The following REDIC1 variants were observed in gnomAD, a reference collection of about 807,000 sequenced individuals.
REDIC1 encodes HEI10 Interacting Protein 1.
At chr12:39,712,463 C>CCT in the REDIC1 span, among the ~76,000 whole-genome samples, 2 of 105,326 alleles carry the variant, frequency 1.9e-5, no homozygotes, top group African/African-American at 6.5e-5. Context: ...CGTATATATA[C>CCT]GTATGTATAT....
chr12:39,812,434 C>A, the REDIC1 span, among the ~76,000 whole-genome samples: 1 of 144,352 alleles, frequency 6.9e-6, no homozygotes. Context: ...GCCTTCCTTC[C>A]TTTTCTTTCT....
At chr12:39,694,553 A>G in the REDIC1 span, among the ~76,000 whole-genome samples, 1 of 152,200 alleles carries the variant, frequency 6.6e-6, no homozygotes, top group Non-Finnish European at 1.5e-5. Flanking sequence ...TATTTAAACC[A>G]GCCCTAACCA....
the REDIC1 span, among the ~76,000 whole-genome samples, chr12:39,774,847 C>G: frequency 6.6e-6 from 1 of 151,848 alleles, no homozygotes; most frequent in Non-Finnish European, 1.5e-5. Flanking sequence ...CTTATATACC[C>G]CAAGTATGCA....
the REDIC1 span, among the ~76,000 whole-genome samples, chr12:39,702,382 A>G: frequency 1.3e-5 from 2 of 152,258 alleles, no homozygotes; most frequent in Non-Finnish European, 2.9e-5. Context: ...AGACTAAACC[A>G]GGAAGAAGTT....
chr12:39,771,147 T>C, the REDIC1 span, among the ~76,000 whole-genome samples: 1 of 152,200 alleles, frequency 6.6e-6, no homozygotes, highest in African/African-American at 2.4e-5. Context: ...TCCGAGTGTG[T>C]GTCCCATCAC....
At chr12:39,668,933 G>A in the REDIC1 span, among the ~76,000 whole-genome samples, 2 of 147,196 alleles carry the variant, frequency 1.4e-5, no homozygotes, top group Admixed American at 7.0e-5. Context: ...CTCTGCATTG[G>A]TTATTCTAGT....
the REDIC1 span, among the ~76,000 whole-genome samples, chr12:39,712,967 G>T: frequency 3.5e-4 from 6 of 17,306 alleles, no homozygotes; most frequent in African/African-American, 1.3e-3. Context: ...GCATATACGT[G>T]TATATGTATA....
At chr12:39,797,416 T>C in the REDIC1 span, among the ~76,000 whole-genome samples, 1 of 152,212 alleles carries the variant, frequency 6.6e-6, no homozygotes, top group Non-Finnish European at 1.5e-5. Flanking sequence ...ATTTATATGT[T>C]GGTTCTCTAG....
chr12:39,652,719 A>G, the REDIC1 span, among the ~76,000 whole-genome samples: 92,170 of 151,980 alleles, frequency 0.61, 29,555 homozygotes, highest in Non-Finnish European at 0.71. Context: ...ATGTAGGTCT[A>G]TGATTCATTT....
chr12:39,666,731 C>G, the REDIC1 span, among the ~76,000 whole-genome samples: 1 of 152,086 alleles, frequency 6.6e-6, no homozygotes, highest in Non-Finnish European at 1.5e-5. Flanking sequence ...TTAATTATTG[C>G]CTCAATTTCA....
the REDIC1 span, among the ~76,000 whole-genome samples, chr12:39,899,183 T>G: frequency 1.3e-5 from 2 of 152,308 alleles, no homozygotes; most frequent in East Asian, 1.9e-4. Context: ...TATTCAGAGA[T>G]TGAACTTCTT....
chr12:39,822,715 C>G, the REDIC1 span, among the ~76,000 whole-genome samples: 1 of 152,144 alleles, frequency 6.6e-6, no homozygotes, highest in Non-Finnish European at 1.5e-5. Context: ...AAATAACTCA[C>G]AGTCTACTTT....
At chr12:39,749,419 C>T in the REDIC1 span, among the ~76,000 whole-genome samples, 275 of 152,244 alleles carry the variant, frequency 1.8e-3, no homozygotes, top group African/African-American at 6.1e-3. Flanking sequence ...GAAATTGAGG[C>T]AATAATTAAT....
chr12:39,905,983 A>G, the REDIC1 span, among the ~76,000 whole-genome samples: 56 of 151,986 alleles, frequency 3.7e-4, no homozygotes, highest in Admixed American at 3.3e-3. Context: ...TTGTTTCCCT[A>G]TTGAAATATA....
the REDIC1 span, among the ~76,000 whole-genome samples, chr12:39,719,190 T>C: frequency 3.3e-5 from 5 of 152,258 alleles, no homozygotes; most frequent in Non-Finnish European, 5.9e-5. Context: ...TTCTCAGCAC[T>C]ATATTACAGT....
chr12:39,860,417 T>C, the REDIC1 span, among the ~76,000 whole-genome samples: 2 of 152,328 alleles, frequency 1.3e-5, no homozygotes, highest in South Asian at 2.1e-4. Context: ...TTGATAAAGA[T>C]CTTAGTTGTG....
the REDIC1 span, chr12:39,829,923 T>G: frequency 1.3e-6 from 1 of 779,002 alleles, no homozygotes; most frequent in East Asian, 2.8e-5. Flanking sequence ...CTTTCTACTC[T>G]GTGTGAAACA....
At chr12:39,665,979 G>A in the REDIC1 span, among the ~76,000 whole-genome samples, 25 of 152,006 alleles carry the variant, frequency 1.6e-4, no homozygotes, top group Admixed American at 3.9e-4. Context: ...GAGCTGAGAC[G>A]ATGGGGTTTT....
chr12:39,724,671 T>C, the REDIC1 span, among the ~76,000 whole-genome samples: 1 of 152,068 alleles, frequency 6.6e-6, no homozygotes, highest in East Asian at 1.9e-4. Context: ...ATTGCTAATT[T>C]TTGTAGTTTT....
Sources: allele counts gnomAD v4.1 joint callset (sites outside exome capture counted in the v4.1 genomes callset), GRCh38; gene constraint gnomAD v4.1.1; transcripts MANE v1.5; gene names NCBI Gene and HGNC (gene_info 2026-07-23, HGNC 2026-07-21).